AP3B1: variants seen among roughly 807,000 people sequenced by gnomAD.
The protein encoded by AP3B1 is AP-3 complex subunit beta-1.
Under a neutral mutation model 132.5 loss-of-function variants are expected in AP3B1, and 61 were observed. The observed-to-expected ratio is 0.46, with a 90% confidence interval of 0.37 to 0.57. AP3B1 has a LOEUF of 0.57. Ranked by LOEUF, AP3B1 falls within the 20% of genes least tolerant of loss-of-function variation. The pLI is 0.00. For missense variants in AP3B1, 1,120 were observed against 1,289.4 expected (o/e 0.87, Z 2.01); for synonymous variants, 388 against 438.3 (o/e 0.89, Z 1.43).
rs530359107 is a variant in AP3B1 at position 78,217,250 on chromosome 5, G to A, written c.604-1013C>T. ...ATTTTGAGTGTTTGTCCCTCTAGTT[G>A]GCTGACATTTAGTTTATTAATATGC... On this transcript the variant is annotated intron_variant, in intron 6 of 26. Transcript: ENST00000255194. Among the ~76,000 whole-genome samples the A allele has an allele frequency of 3.4e-4, 51 of 152,166 alleles. No homozygotes were observed. The South Asian group carries it at 9.3e-3, about 28-fold the overall frequency.
intron 15 of AP3B1, 59 bp downstream of exon 15, chr5:78,141,084 T>C (rs772731305): frequency 1.9e-5 from 29 of 1,513,320 alleles, no homozygotes; most frequent in Middle Eastern, 1.7e-4. Context: ...CCCCCGCTGT[T>C]TGATCAGAGT....
Position 78,216,048 on chromosome 5 carries a change from C to T in AP3B1, c.786+7G>A. Reference sequence around the variant, plus strand: ...TACTTGAAAGTGGAAGACTGTTCAACACTTACCTCTTTCCAAGGGCTGACA... The same window carrying T: ...TACTTGAAAGTGGAAGACTGTTCAATACTTACCTCTTTCCAAGGGCTGACA... On this transcript the variant is annotated splice_region_variant and intron_variant, in intron 7 of 26. Transcript: ENST00000255194. 6.2e-7 allele frequency: 1 copy of T among 1,613,882 alleles called. No individual in the cohort carries two copies. The highest frequency in any genetic ancestry group is 1.7e-4 in the Middle Eastern group (1 of 6,060).
chr5:78,166,795 T>C (rs1010445247), intron 11 of AP3B1, among the ~76,000 whole-genome samples: 3 of 152,248 alleles, frequency 2.0e-5, no homozygotes, highest in African/African-American at 7.2e-5. Context: ...GCAAGCCACA[T>C]GTAGTAGAAT....
chr5:78,069,363 G>T (rs1749434191), intron 22 of AP3B1, among the ~76,000 whole-genome samples: 1 of 152,162 alleles, frequency 6.6e-6, no homozygotes, highest in African/African-American at 2.4e-5. Flanking sequence ...CATCATCTCA[G>T]CCCAAAAGCT....
intron 2 of AP3B1, 121 bp downstream of exon 2, chr5:78,267,399 A>T: frequency 2.4e-6 from 1 of 414,924 alleles, no homozygotes; most frequent in Non-Finnish European, 4.1e-6. Flanking sequence ...ATTCTAAGTT[A>T]ATATTAAGGG....
intron 21 of AP3B1, among the ~76,000 whole-genome samples, chr5:78,097,220 C>A (rs1187720472): frequency 8.3e-6 from 1 of 120,600 alleles, no homozygotes; most frequent in Non-Finnish European, 1.8e-5. Flanking sequence ...CCAGCCACCC[C>A]GTCCGGGAGG....
chr5:78,264,589 A>T (rs1444375277), intron 2 of AP3B1, among the ~76,000 whole-genome samples: 1 of 152,228 alleles, frequency 6.6e-6, no homozygotes, highest in African/African-American at 2.4e-5. Context: ...ATACTGCAGA[A>T]AAATCTTGGT....
At chr5:78,097,272 C>T (rs1232823992) in intron 21 of AP3B1, among the ~76,000 whole-genome samples, 7 of 135,614 alleles carry the variant, frequency 5.2e-5, no homozygotes, top group African/African-American at 1.4e-4. Flanking sequence ...GCCACCCCGT[C>T]CGGGAGGGAG....
At chr5:78,177,755 C>CCTT (rs1400250702) in intron 8 of AP3B1, among the ~76,000 whole-genome samples, 2 of 152,012 alleles carry the variant, frequency 1.3e-5, no homozygotes, top group Non-Finnish European at 2.9e-5. Flanking sequence ...AAAAGAGACA[C>CCTT]CGTGAAGGCC....
intron 8 of AP3B1, among the ~76,000 whole-genome samples, chr5:78,178,814 G>T (rs1050583938): frequency 4.6e-5 from 7 of 151,908 alleles, no homozygotes; most frequent in African/African-American, 1.7e-4. Context: ...TATGAAGTTT[G>T]AACAAATATA....
chr5:78,141,817 A>G (rs1472586616), intron 14 of AP3B1, among the ~76,000 whole-genome samples: 1 of 152,196 alleles, frequency 6.6e-6, no homozygotes, highest in Non-Finnish European at 1.5e-5. Context: ...TTCTTACTAA[A>G]AAGACAGGTC....
rs566820678 is a variant in AP3B1, at chr5:78,141,436, T to C, written c.1474-117A>G. 100 of 748,476 alleles carry C rather than the reference T, an allele frequency of 1.3e-4. No homozygotes were observed. The African/African-American group carries it at 1.7e-3, about 12-fold the overall frequency. 46.4% of individuals were successfully genotyped at this position (748,476 alleles called of 1,614,324 possible). A position where few individuals can be genotyped will look rare whatever the true frequency, so the allele number is the denominator to read the frequency against. ...CAGCTATTAATTAATTTAATGTATA[T>C]CTAGGAATTAATCCTGTATTTATGA... is the stretch of plus-strand genomic sequence containing the variant. On this transcript the variant is annotated intron_variant, in intron 14 of 26. Coordinates refer to ENST00000255194, the MANE Select transcript of AP3B1 (RefSeq NM_003664.5).
In AP3B1 at chr5:78,127,990, C is replaced by T. The variant is rs372086159; in HGVS notation, c.1968+40G>A. ...AAACAATAGCTATCCTAGAGTCTTCCACTGCTTTGGCAAAATTAATTTCAG... is the reference window on the plus strand; with the variant it reads ...AAACAATAGCTATCCTAGAGTCTTCTACTGCTTTGGCAAAATTAATTTCAG... On this transcript the variant is annotated intron_variant, in intron 17 of 26. Coordinates refer to ENST00000255194, the MANE Select transcript of AP3B1 (RefSeq NM_003664.5). 5.2e-5 allele frequency: 83 copies of T among 1,607,420 alleles called. 1 individual carries two copies. The East Asian group carries it at 1.0e-3, about 20-fold the overall frequency.
chr5:78,189,669 A>AGACCAACCT, intron 7 of AP3B1, among the ~76,000 whole-genome samples: 1 of 152,020 alleles, frequency 6.6e-6, no homozygotes, highest in Non-Finnish European at 1.5e-5. Flanking sequence ...CACGAGTTCA[A>AGACCAACCT]GACCAACCTG....
chr5:78,265,917 G>T (rs1421349593), intron 2 of AP3B1, among the ~76,000 whole-genome samples: 3 of 152,140 alleles, frequency 2.0e-5, no homozygotes, highest in African/African-American at 4.8e-5. Context: ...TTGGGCAAAT[G>T]CCTCTTTCAA....
chr5:78,201,667 G>A (rs1487779947), intron 7 of AP3B1, among the ~76,000 whole-genome samples: 1 of 152,130 alleles, frequency 6.6e-6, no homozygotes, highest in African/African-American at 2.4e-5. Context: ...GTTTTTGCAT[G>A]ATCAGGACTT....
chr5:78,288,783 G>A (rs1287845036), intron 1 of AP3B1, among the ~76,000 whole-genome samples: 2 of 152,142 alleles, frequency 1.3e-5, no homozygotes, highest in Non-Finnish European at 2.9e-5. Flanking sequence ...TGAGCAGAAT[G>A]TGTGAACGAT....
At chr5:78,156,147 ATCCAGACAC>A in intron 14 of AP3B1, 102 bp downstream of exon 14, 1 of 768,172 alleles carries the variant, frequency 1.3e-6, no homozygotes, top group Non-Finnish European at 2.2e-6. Context: ...CAGAATTGGA[ATCCAGACAC>A]TTCAGCTCTC....
At chr5:78,009,434 G>C (rs1431185890) in intron 26 of AP3B1, among the ~76,000 whole-genome samples, 1 of 151,960 alleles carries the variant, frequency 6.6e-6, no homozygotes. Flanking sequence ...TCTAGCCTGG[G>C]CAACAGAGTG....
Sources: gnomAD v4.1 joint callset for allele counts (sites outside exome capture counted in the v4.1 genomes callset) on GRCh38, gnomAD v4.1.1 for gene constraint, MANE v1.5 for transcripts, NCBI Gene and HGNC (gene_info 2026-07-23, HGNC 2026-07-21) for gene names.